Variants in ASIC2 observed in about 807,000 individuals in gnomAD.
The protein encoded by ASIC2 is acid-sensing ion channel 2.
ASIC2 carries 25 observed loss-of-function variants against 57.3 expected under a neutral mutation model. The observed-to-expected ratio is 0.44, with a 90% CI of 0.32 to 0.61. The LOEUF (loss-of-function observed/expected upper bound fraction) is 0.61, where lower values mean the gene tolerates loss of function less well. Ranked by LOEUF, ASIC2 falls within the 20% of genes least tolerant of loss-of-function variation. ASIC2 has a pLI of 0.06. For synonymous variants in ASIC2, 319 were observed against 307.5 expected (o/e 1.04, Z -0.39); for missense variants, 641 against 738.1 (o/e 0.87, Z 1.52).
intron 3 of ASIC2, among the ~76,000 whole-genome samples, chr17:33,033,977 C>A (rs150292582): frequency 1.3e-5 from 2 of 152,040 alleles, no homozygotes; most frequent in Non-Finnish European, 2.9e-5. Context: ...CTGCTGATAG[C>A]GGAGACGATG....
chr17:33,633,287 G>A (rs1326915232), intron 1 of ASIC2, among the ~76,000 whole-genome samples: 7 of 152,194 alleles, frequency 4.6e-5, no homozygotes, highest in Admixed American at 4.6e-4. Flanking sequence ...CCCCACCTGT[G>A]GGGTGCAACA....
intron 1 of ASIC2, among the ~76,000 whole-genome samples, chr17:33,250,580 A>G (rs1338349203): frequency 6.6e-6 from 1 of 152,210 alleles, no homozygotes; most frequent in Admixed American, 6.5e-5. Context: ...CTGCTCCCCT[A>G]TAAGCTTTAT....
At chr17:33,996,071 G>A (rs1022882077) in intron 1 of ASIC2, among the ~76,000 whole-genome samples, 1 of 151,734 alleles carries the variant, frequency 6.6e-6, no homozygotes, top group Non-Finnish European at 1.5e-5. Flanking sequence ...TTTTATTGTG[G>A]TTTTTATTTG....
chr17:33,250,958 C>T (rs1908860529), intron 1 of ASIC2, among the ~76,000 whole-genome samples: 1 of 152,188 alleles, frequency 6.6e-6, no homozygotes, highest in African/African-American at 2.4e-5. Context: ...TATGTGTATA[C>T]TTTATTTCCA....
intron 1 of ASIC2, among the ~76,000 whole-genome samples, chr17:34,101,263 C>T (rs2142100525): frequency 6.6e-6 from 1 of 152,330 alleles, no homozygotes; most frequent in South Asian, 2.1e-4. Flanking sequence ...ATATACAAGG[C>T]TCAGTCCCTC....
At chr17:34,155,206 A>G (rs1181452326) in intron 1 of ASIC2, among the ~76,000 whole-genome samples, 1 of 152,080 alleles carries the variant, frequency 6.6e-6, no homozygotes, top group African/African-American at 2.4e-5. Flanking sequence ...CAAAGCTCCC[A>G]GACAAGGCAG....
intron 1 of ASIC2, among the ~76,000 whole-genome samples, chr17:33,265,583 T>C (rs767742772): frequency 6.6e-6 from 1 of 152,072 alleles, no homozygotes; most frequent in Non-Finnish European, 1.5e-5. Flanking sequence ...GACGGGTTGA[T>C]AGGTGCAGCA....
At chr17:34,097,364 T>A (rs1598022819) in intron 1 of ASIC2, among the ~76,000 whole-genome samples, 1 of 149,918 alleles carries the variant, frequency 6.7e-6, no homozygotes, top group Admixed American at 6.7e-5. Context: ...GTGGAGGGGG[T>A]GGGAGAGAAG....
intron 3 of ASIC2, among the ~76,000 whole-genome samples, chr17:33,072,044 C>T (rs1465017459): frequency 6.6e-6 from 1 of 152,108 alleles, no homozygotes. Context: ...CTCTGGAGTT[C>T]TGTCTCTGTG....
At chr17:33,032,435 A>T (rs2091887133) in intron 3 of ASIC2, among the ~76,000 whole-genome samples, 1 of 125,598 alleles carries the variant, frequency 8.0e-6, no homozygotes, top group Non-Finnish European at 1.6e-5. Flanking sequence ...GCACTATAAT[A>T]CACTGTTTTT....
rs1163727641 is a variant in ASIC2, at chr17:33,466,329, C to T, written c.556-354262G>A. ...AGGAGAACTACAAACCACTGCTCAACGAAATAAAAAAGGACACAAACAAAT... is the reference window on the plus strand; with the variant it reads ...AGGAGAACTACAAACCACTGCTCAATGAAATAAAAAAGGACACAAACAAAT... On this transcript the variant is annotated intron_variant, in intron 1 of 9. Transcript: ENST00000359872. Among the ~76,000 whole-genome samples, 9 of 152,058 alleles carry T rather than the reference C, an allele frequency of 5.9e-5. No homozygotes were observed. The South Asian group carries it at 8.3e-4, about 14-fold the overall frequency.
chr17:33,022,138 G>A (rs1283993666), intron 6 of ASIC2, among the ~76,000 whole-genome samples: 2 of 152,166 alleles, frequency 1.3e-5, no homozygotes, highest in Admixed American at 6.5e-5. Flanking sequence ...CTGTGAGCAG[G>A]GCTCGCAGGG....
intron 1 of ASIC2, among the ~76,000 whole-genome samples, chr17:33,610,068 A>G (rs879365526): frequency 2.6e-4 from 40 of 151,682 alleles, no homozygotes; most frequent in Non-Finnish European, 5.2e-4. Flanking sequence ...ACACACACAC[A>G]CACACACACA....
intron 1 of ASIC2, among the ~76,000 whole-genome samples, chr17:33,956,270 A>G (rs1193126544): frequency 1.3e-5 from 2 of 152,226 alleles, no homozygotes; most frequent in African/African-American, 4.8e-5. Flanking sequence ...ATGAGGGTTC[A>G]AAGTCTGAAG....
At chr17:33,861,205 T>C (rs1269394118) in intron 1 of ASIC2, among the ~76,000 whole-genome samples, 1 of 152,222 alleles carries the variant, frequency 6.6e-6, no homozygotes, top group African/African-American at 2.4e-5. Context: ...TAAAGGAGCA[T>C]ATGCTTTATG....
chr17:33,150,013 A>T (rs906041427), intron 1 of ASIC2, among the ~76,000 whole-genome samples: 1 of 152,220 alleles, frequency 6.6e-6, no homozygotes. Context: ...AATTGCATGA[A>T]TAAGTTCAGA....
intron 1 of ASIC2, among the ~76,000 whole-genome samples, chr17:33,586,032 T>A (rs1001010410): frequency 6.6e-6 from 1 of 152,174 alleles, no homozygotes; most frequent in Non-Finnish European, 1.5e-5. Context: ...TCAGTTGGTG[T>A]GCAGAAGGGG....
At chr17:33,943,875 G>A (rs1391682684) in intron 1 of ASIC2, among the ~76,000 whole-genome samples, 1 of 151,994 alleles carries the variant, frequency 6.6e-6, no homozygotes, top group Non-Finnish European at 1.5e-5. Flanking sequence ...TGAGATTCAG[G>A]GAGTTCTGTG....
intron 1 of ASIC2, among the ~76,000 whole-genome samples, chr17:34,110,403 C>T (rs1911228005): frequency 6.6e-6 from 1 of 152,198 alleles, no homozygotes; most frequent in African/African-American, 2.4e-5. Flanking sequence ...AAACCTAGCT[C>T]TTCCTCGCCC....
Sources: allele counts gnomAD v4.1 joint callset (sites outside exome capture counted in the v4.1 genomes callset), GRCh38; gene constraint gnomAD v4.1.1; transcripts MANE v1.5; gene names NCBI Gene and HGNC (gene_info 2026-07-23, HGNC 2026-07-21).